OCLN: variants seen among roughly 807,000 people sequenced by gnomAD.
The protein encoded by OCLN is occludin.
OCLN carries 21 observed loss-of-function variants against 47.9 expected under a neutral mutation model. The ratio of observed to expected loss-of-function variants is 0.44; its 90% CI spans 0.31 to 0.63. The LOEUF (loss-of-function observed/expected upper bound fraction) is 0.63. Among genes scored for constraint, OCLN ranks in the 30% least tolerant of loss-of-function variants. The pLI is 0.08. For missense variants in OCLN, 360 were observed against 571.0 expected, an observed-to-expected ratio of 0.63 and a Z score of 3.77; for synonymous variants, 117 against 198.4, an observed-to-expected ratio of 0.59 and a Z score of 3.45.
chr5:69,506,963 G>C (rs1005122201), intron 2 of OCLN, among the ~76,000 whole-genome samples: 4 of 152,138 alleles, frequency 2.6e-5, no homozygotes, highest in Non-Finnish European at 5.9e-5. Flanking sequence ...CATGAGGAAA[G>C]ACCAAGCAAA....
intron 2 of OCLN, among the ~76,000 whole-genome samples, chr5:69,504,940 C>T (rs576684116): frequency 8.1e-5 from 12 of 148,332 alleles, no homozygotes; most frequent in African/African-American, 2.7e-4. Context: ...AGAGACAGAG[C>T]GAGACTCCGT....
chr5:69,499,646 G>A (rs1478473335), intron 1 of OCLN, among the ~76,000 whole-genome samples: 2 of 151,678 alleles, frequency 1.3e-5, no homozygotes, highest in South Asian at 2.1e-4. Context: ...GTGCAGTGGC[G>A]TGACCTCAGC....
intron 2 of OCLN, among the ~76,000 whole-genome samples, chr5:69,507,062 A>G (rs1768626975): frequency 6.6e-6 from 1 of 152,218 alleles, no homozygotes; most frequent in African/African-American, 2.4e-5. Context: ...CACTGTCCTG[A>G]CGTATGATCA....
At position 69,517,310 on chromosome 5, in the gene OCLN, A is replaced by G. The variant is rs1179631308; in HGVS notation, c.891+3201A>G. Among the ~76,000 whole-genome samples the G allele has an allele frequency of 5.3e-5, 6 of 112,796 alleles. 1 individual carries two copies. The highest frequency in any genetic ancestry group is 2.0e-4 in the Admixed American group (2 of 9,764). The allele number at this position is 112,796 out of a possible 152,430, so 74.0% of individuals were successfully genotyped here. On this transcript the variant is annotated intron_variant, in intron 4 of 8. Transcript: ENST00000396442. Reference sequence around the variant, plus strand: ...TAAAGACATTAATATATATATATATATATATTTTTTTTTTTTTTGAGACGG... The same window carrying G: ...TAAAGACATTAATATATATATATATGTATATTTTTTTTTTTTTTGAGACGG...
At chr5:69,519,340 G>A (rs1340905086) in intron 4 of OCLN, among the ~76,000 whole-genome samples, 1 of 152,156 alleles carries the variant, frequency 6.6e-6, no homozygotes, top group East Asian at 1.9e-4. Context: ...CAAAAGCTGT[G>A]CCTTCAGTGT....
At chr5:69,548,697 G>A in intron 7 of OCLN, among the ~76,000 whole-genome samples, 1 of 151,194 alleles carries the variant, frequency 6.6e-6, no homozygotes, top group Admixed American at 6.6e-5. Flanking sequence ...GGTGGCTCAT[G>A]GCTATAATCC....
intron 4 of OCLN, among the ~76,000 whole-genome samples, chr5:69,526,027 T>G (rs1012357142): frequency 4.6e-5 from 7 of 152,292 alleles, no homozygotes; most frequent in Non-Finnish European, 7.4e-5. Flanking sequence ...AAGAGACCCT[T>G]AACTTGTAGG....
chr5:69,512,699 T>G (rs181720734), intron 3 of OCLN, among the ~76,000 whole-genome samples: 1 of 152,356 alleles, frequency 6.6e-6, no homozygotes, highest in African/African-American at 2.4e-5. Context: ...TTTTGATTTA[T>G]GTAGGTCTTG....
At chr5:69,500,561 C>T (rs2090549839) in intron 1 of OCLN, among the ~76,000 whole-genome samples, 1 of 152,020 alleles carries the variant, frequency 6.6e-6, no homozygotes, top group Non-Finnish European at 1.5e-5. Flanking sequence ...CCACCACGCC[C>T]CTCTAATTTT....
intron 4 of OCLN, among the ~76,000 whole-genome samples, chr5:69,532,929 C>T (rs932675470): frequency 6.6e-6 from 1 of 151,678 alleles, no homozygotes; most frequent in Middle Eastern, 3.4e-3. Context: ...GATCGCACCA[C>T]TGCACTCCAG....
intron 4 of OCLN, among the ~76,000 whole-genome samples, chr5:69,515,435 G>A (rs1360884698): frequency 2.1e-5 from 3 of 142,346 alleles, no homozygotes; most frequent in Admixed American, 1.4e-4. Context: ...CTCCCAGACG[G>A]GGCGGCTGGC....
At chr5:69,531,891 C>T (rs1769441904) in intron 4 of OCLN, among the ~76,000 whole-genome samples, 1 of 152,152 alleles carries the variant, frequency 6.6e-6, no homozygotes, top group Non-Finnish European at 1.5e-5. Context: ...ATATGTATTG[C>T]AGAAGATACA....
rs962730463 is a variant in OCLN, at chr5:69,509,648, G to T, written c.558G>T (p.Val186=). The T allele has an allele frequency of 3.7e-6, 6 of 1,614,204 alleles. No individual in the cohort carries two copies. In the Middle Eastern group the frequency reaches 6.6e-4, roughly 178 times the overall value. The part of the protein sequence containing the change: ...IIVSAILGIM[V]FIATIVYIMG... ...TGAGTGCTATCCTGGGCATCATGGT[G>T]TTTATTGCCACAATTGTCTATATAA... is the stretch of plus-strand genomic sequence containing the variant. The change falls in exon 3 of 9, where the codon GTG becomes GTT. Residue 186 remains valine (V), a synonymous_variant. Coordinates refer to ENST00000396442, the MANE Select transcript of OCLN (RefSeq NM_001205254.2).
chr5:69,533,761 T>C (rs1194172886), intron 4 of OCLN, among the ~76,000 whole-genome samples: 2 of 152,240 alleles, frequency 1.3e-5, no homozygotes, highest in African/African-American at 2.4e-5. Flanking sequence ...CAAGTGATTC[T>C]CTTGCCTCAG....
chr5:69,506,484 A>G (rs1281547841), intron 2 of OCLN, among the ~76,000 whole-genome samples: 1 of 152,194 alleles, frequency 6.6e-6, no homozygotes, highest in African/African-American at 2.4e-5. Flanking sequence ...TGACATAGGC[A>G]TGATTGACTA....
chr5:69,526,042 T>A (rs887991220), intron 4 of OCLN, among the ~76,000 whole-genome samples: 1 of 152,190 alleles, frequency 6.6e-6, no homozygotes, highest in Non-Finnish European at 1.5e-5. Context: ...TGTAGGTCTT[T>A]ACGAGGTACA....
intron 1 of OCLN, among the ~76,000 whole-genome samples, chr5:69,496,598 G>C (rs1372974197): frequency 4.4e-5 from 6 of 135,832 alleles, no homozygotes; most frequent in Non-Finnish European, 9.2e-5. Context: ...AGATAACGGA[G>C]TCTTACTCTG....
rs797045841 is a variant in OCLN, at chr5:69,509,260, AATGGACCTCTCCTCCAGGAGTG to A, written c.173_194del (p.Trp58PhefsTer10). Reference sequence around the variant, plus strand: ...GAAGATGAAATTCTTCACTTCTACAAATGGACCTCTCCTCCAGGAGTGATTCGGATCCTGTCTATGCTCATTA... The same window carrying A: ...GAAGATGAAATTCTTCACTTCTACAAATTCGGATCCTGTCTATGCTCATTA... On this transcript the variant is annotated frameshift_variant, in exon 3 of 9. Transcript: ENST00000396442. LOFTEE classifies it high-confidence loss of function. 6.2e-7 allele frequency: 1 copy of A among 1,614,068 alleles called. No homozygotes were observed.
chr5:69,506,310 T>C (rs1303367220), intron 2 of OCLN, among the ~76,000 whole-genome samples: 1 of 151,996 alleles, frequency 6.6e-6, no homozygotes, highest in Non-Finnish European at 1.5e-5. Flanking sequence ...AACAAACAAA[T>C]GATATTACAA....
Sources: gnomAD v4.1 joint callset for allele counts (sites outside exome capture counted in the v4.1 genomes callset) on GRCh38, gnomAD v4.1.1 for gene constraint, MANE v1.5 for transcripts, NCBI Gene and HGNC (gene_info 2026-07-23, HGNC 2026-07-21) for gene names.